The following FAM47E variants were observed in gnomAD, a reference collection of about 807,000 sequenced individuals.
FAM47E encodes the protein protein FAM47E.
Under a neutral mutation model 41.6 loss-of-function variants are expected in FAM47E, and 32 were observed. That is an observed-to-expected ratio of 0.77 (90% CI 0.58 to 1.03). FAM47E has a LOEUF of 1.03. FAM47E is among the 50% of genes least tolerant of loss of function. FAM47E has a pLI of 0.00. For synonymous variants in FAM47E, 184 were observed against 188.7 expected (o/e 0.98, Z 0.20); for missense variants, 424 against 485.4 (o/e 0.87, Z 1.19).
intron 1 of FAM47E, among the ~76,000 whole-genome samples, chr4:76,253,337 A>C (rs556156143): frequency 6.7e-6 from 1 of 149,568 alleles, no homozygotes; most frequent in Admixed American, 6.7e-5. Context: ...GCTGCTATCG[A>C]CATTTGTGTA....
intron 7 of FAM47E, chr4:76,281,873 T>G (rs1578809900): frequency 6.6e-6 from 1 of 152,142 alleles, no homozygotes; most frequent in East Asian, 1.9e-4. Flanking sequence ...GAAAGCTGGG[T>G]CCAGGGGTGT....
exon 2 of FAM47E, chr4:76,217,631 C>A: frequency 3.1e-6 from 2 of 652,458 alleles, no homozygotes; most frequent in Non-Finnish European, 5.6e-6. Context: ...TGCCGTGCGT[C>A]TTGTCCAGCC....
intron 1 of FAM47E, among the ~76,000 whole-genome samples, chr4:76,253,059 C>T (rs960980337): frequency 6.6e-6 from 1 of 152,180 alleles, no homozygotes; most frequent in South Asian, 2.1e-4. Context: ...CCTTGTCAAT[C>T]GCTAAGCTGC....
intron 2 of FAM47E, among the ~76,000 whole-genome samples, chr4:76,236,897 CT>C (rs770275863): frequency 0.058 from 7,866 of 136,262 alleles, 216 homozygotes; most frequent in Middle Eastern, 0.095. Context: ...TCTTTTCTTT[CT>C]TTTTTTTTTT....
chr4:76,226,693 A>T, intron 2 of FAM47E, among the ~76,000 whole-genome samples: 1 of 152,166 alleles, frequency 6.6e-6, no homozygotes, highest in Non-Finnish European at 1.5e-5. Flanking sequence ...ATACTGTTTA[A>T]GTCTCACTGC....
chr4:76,276,368 G>GTTTGTTTT (rs71594939), intron 5 of FAM47E, among the ~76,000 whole-genome samples: 51,251 of 149,896 alleles, frequency 0.34, 9,823 homozygotes, highest in Non-Finnish European at 0.41. Context: ...TTTTTTGTTT[G>GTTTGTTTT]TTTGTTTTTT....
intron 6 of FAM47E, 142 bp from the exon 7 acceptor site, chr4:76,280,122 C>T: frequency 1.7e-6 from 1 of 573,528 alleles, no homozygotes; most frequent in African/African-American, 1.9e-5. Context: ...AACTCATGAA[C>T]ATTACACACA....
At chr4:76,276,355 C>CTTTTTGTTTT (rs372327970) in intron 5 of FAM47E, among the ~76,000 whole-genome samples, 25,108 of 97,400 alleles carry the variant, frequency 0.26, 2,227 homozygotes, top group Middle Eastern at 0.34. Context: ...GAGGGGGTTA[C>CTTTTTGTTTT]TTTTTTTTGT....
At chr4:76,252,115 G>T (rs1024284937) in intron 1 of FAM47E, among the ~76,000 whole-genome samples, 2 of 152,138 alleles carry the variant, frequency 1.3e-5, no homozygotes, top group Non-Finnish European at 2.9e-5. Flanking sequence ...CGCTGCGGAG[G>T]CTGGTGCCCT....
At chr4:76,259,668 C>G (rs886291674) in intron 2 of FAM47E, among the ~76,000 whole-genome samples, 1 of 152,098 alleles carries the variant, frequency 6.6e-6, no homozygotes, top group African/African-American at 2.4e-5. Context: ...AAAAGTGAAC[C>G]TGAAAGAGTT....
chr4:76,263,953 A>G (rs759798795), intron 3 of FAM47E, 110 bp downstream of exon 3: 3 of 1,435,604 alleles, frequency 2.1e-6, no homozygotes, highest in African/African-American at 1.4e-5. Flanking sequence ...AAGCAAATGT[A>G]ACTAAGTTCC....
upstream of FAM47E, among the ~76,000 whole-genome samples, chr4:76,247,390 C>T (rs1047294935): frequency 1.6e-4 from 24 of 152,126 alleles, no homozygotes; most frequent in Non-Finnish European, 3.2e-4. Flanking sequence ...GTGAATAATG[C>T]TGCCATAAAC....
intron 2 of FAM47E, 84 bp from the exon 3 acceptor site, chr4:76,263,620 C>A: frequency 6.8e-7 from 1 of 1,481,442 alleles, no homozygotes; most frequent in South Asian, 1.3e-5. Context: ...AAGTGAAGGG[C>A]AAGTTGGTCT....
rs1220549227 is a variant in FAM47E at position 76,278,116 on chromosome 4, T to C, written c.918T>C (p.Tyr306=). The C allele has an allele frequency of 6.4e-7, 1 of 1,550,834 alleles. No homozygotes were observed. The highest frequency in any genetic ancestry group is 8.7e-7 in the Non-Finnish European group (1 of 1,146,736). The stretch of plus-strand genomic sequence containing the variant: ...TGAAGATGAGGTATGGAGCATGGTA[T>C]TTGAACCCCAAGTTGTGGAAAAAGC... ...KWVKMRYGAW[Y]LNPKLWKKQR... The change falls in exon 6 of 8, where the codon TAT becomes TAC. Residue 306 remains tyrosine (Y), a synonymous_variant. Coordinates refer to ENST00000424749, the MANE Select transcript of FAM47E (RefSeq NM_001136570.3).
chr4:76,277,312 G>C (rs6858114), intron 5 of FAM47E, among the ~76,000 whole-genome samples: 27 of 151,534 alleles, frequency 1.8e-4, no homozygotes, highest in Admixed American at 1.2e-3. Flanking sequence ...GTGAAACCCC[G>C]TCTCTACTAA....
In FAM47E at chr4:76,256,617, T is replaced by C. The variant is rs1007114419; in HGVS notation, c.420+94T>C. 3 of 1,383,586 alleles carry C rather than the reference T, an allele frequency of 2.2e-6. No homozygotes were observed. In the African/African-American group the frequency reaches 4.4e-5, roughly 20 times the overall value. 85.7% of individuals were successfully genotyped at this position (1,383,586 alleles called of 1,614,324 possible). A position where few individuals can be genotyped will look rare whatever the true frequency, so the allele number is the denominator to read the frequency against. ...AGGAAGTCCCCATGAGAGGGTGACA[T>C]ATTTATAAGAGGAGTGATGAATGTC... On this transcript the variant is annotated intron_variant, in intron 2 of 7. Coordinates refer to ENST00000424749, the MANE Select transcript of FAM47E (RefSeq NM_001136570.3).
Position 76,251,786 on chromosome 4 carries a change from G to A in FAM47E, c.40G>A (p.Ala14Thr). 6.7e-7 allele frequency: 1 copy of A among 1,490,728 alleles called. No individual in the cohort carries two copies. Among genetic ancestry groups the A allele is most frequent in the Non-Finnish European group, 8.9e-7 (1 of 1,126,832 alleles). The allele number at this position is 1,490,728 out of a possible 1,614,324, so 92.3% of individuals were successfully genotyped here. A position where few individuals can be genotyped will look rare whatever the true frequency, so the allele number is the denominator to read the frequency against. ...RRRRLRPGTL[A>T]PVREGVNCRS... Reference sequence around the variant, plus strand: ...GCGGCGGCTCCGGCCGGGGACGTTGGCCCCGGTGCGCGAGGGCGTGAACTG... The same window carrying A: ...GCGGCGGCTCCGGCCGGGGACGTTGACCCCGGTGCGCGAGGGCGTGAACTG... Residue 14 changes from alanine (A) to threonine (T), a missense_variant, in exon 1 of 8, where the codon GCC (alanine) becomes ACC (threonine). Transcript: ENST00000424749.
At chr4:76,266,369 C>CG (rs1734636130) in intron 3 of FAM47E, among the ~76,000 whole-genome samples, 2 of 152,212 alleles carry the variant, frequency 1.3e-5, no homozygotes. Flanking sequence ...TTTTCTCCCC[C>CG]GAACTTATTC....
upstream of FAM47E, chr4:76,251,611 G>T: frequency 3.0e-6 from 4 of 1,345,118 alleles, no homozygotes; most frequent in Non-Finnish European, 3.8e-6. Flanking sequence ...GTTGGACCGC[G>T]CAGCGGGGCG....
Sources: gnomAD v4.1 joint callset for allele counts (sites outside exome capture counted in the v4.1 genomes callset) on GRCh38, gnomAD v4.1.1 for gene constraint, MANE v1.5 for transcripts, NCBI Gene and HGNC (gene_info 2026-07-23, HGNC 2026-07-21) for gene names.